The following NDST4 variants were observed in gnomAD, a reference collection of about 807,000 sequenced individuals.
NDST4 encodes N-deacetylase and N-sulfotransferase 4, also known as N-heparan sulfate sulfotransferase 4.
A neutral mutation model predicts 100.8 loss-of-function variants in NDST4; 63 were observed. The observed-to-expected ratio is 0.62, with a 90% CI of 0.51 to 0.77. The LOEUF is 0.77. Among genes scored for constraint, NDST4 ranks in the 30% least tolerant of loss-of-function variants. The pLI, the probability that NDST4 is intolerant of heterozygous loss-of-function variation, is 0.00. For missense variants in NDST4, 943 were observed against 1,018.4 expected (o/e 0.93, Z 1.01); for synonymous variants, 377 against 361.8 (o/e 1.04, Z -0.48).
At chr4:114,847,350 T>G (rs1723571978) in intron 9 of NDST4, among the ~76,000 whole-genome samples, 2 of 94,956 alleles carry the variant, frequency 2.1e-5, no homozygotes, top group African/African-American at 1.3e-4. Flanking sequence ...CACTCCAGCC[T>G]GGGCGACAGA....
intron 2 of NDST4, among the ~76,000 whole-genome samples, chr4:115,059,991 T>G (rs556512373): frequency 6.6e-6 from 1 of 152,008 alleles, no homozygotes; most frequent in Middle Eastern, 3.2e-3. Context: ...AATGTTGGTT[T>G]TCTTCTGTTT....
intron 6 of NDST4, among the ~76,000 whole-genome samples, chr4:114,929,113 C>CATCCATCTATCTATCTATCT (rs1578395038): frequency 5.1e-5 from 6 of 117,388 alleles, no homozygotes; most frequent in Admixed American, 8.7e-5. Flanking sequence ...TCCATCCATC[C>CATCCATCTATCTATCTATCT]ATCTATCTAT....
chr4:114,904,621 A>AT (rs1469651501), intron 6 of NDST4, among the ~76,000 whole-genome samples: 3 of 151,892 alleles, frequency 2.0e-5, no homozygotes, highest in Non-Finnish European at 2.9e-5. Context: ...AAATAGCTGA[A>AT]TGTTATATGG....
At position 114,954,544 on chromosome 4, in the gene NDST4, C is replaced by G. The variant is rs1726093060; in HGVS notation, c.1221+15886G>C. 2.0e-5 allele frequency among the ~76,000 whole-genome samples: 3 copies of G among 152,108 alleles called. No homozygotes were observed. In the South Asian group the frequency reaches 6.2e-4, roughly 31 times the overall value. On this transcript the variant is annotated intron_variant, in intron 4 of 13. Coordinates refer to ENST00000264363, the MANE Select transcript of NDST4 (RefSeq NM_022569.3). The stretch of plus-strand genomic sequence containing the variant: ...GAAGATAAGACTAGAAGATAAGTAA[C>G]TTACTTATTTTGTGAAAAACAGATA...
At chr4:114,986,455 T>C (rs1293147780) in intron 2 of NDST4, among the ~76,000 whole-genome samples, 1 of 152,090 alleles carries the variant, frequency 6.6e-6, no homozygotes, top group Non-Finnish European at 1.5e-5. Context: ...TAAGACGAGC[T>C]TCTGCTTCTG....
chr4:115,012,001 T>G (rs890250147), intron 2 of NDST4, among the ~76,000 whole-genome samples: 4 of 151,884 alleles, frequency 2.6e-5, no homozygotes, highest in Admixed American at 6.6e-5. Context: ...TGTATGTGTG[T>G]GTGTACGTGT....
At chr4:114,983,542 A>C (rs1332553420) in intron 2 of NDST4, among the ~76,000 whole-genome samples, 2 of 152,206 alleles carry the variant, frequency 1.3e-5, no homozygotes, top group Non-Finnish European at 2.9e-5. Context: ...GCATTTACCA[A>C]ATGCCTTTAC....
At chr4:115,074,163 G>A (rs1306086133) in intron 2 of NDST4, among the ~76,000 whole-genome samples, 1 of 151,818 alleles carries the variant, frequency 6.6e-6, no homozygotes, top group East Asian at 1.9e-4. Flanking sequence ...CATTGCTCAA[G>A]CCTTTGTTAA....
At position 114,935,691 on chromosome 4, in the gene NDST4, C is replaced by T. The variant is rs75445587; in HGVS notation, c.1408-357G>A. Among the ~76,000 whole-genome samples, 1,262 of 152,286 alleles carry T rather than the reference C, an allele frequency of 8.3e-3. 14 individuals carry two copies. The highest frequency in any genetic ancestry group is 0.024 in the African/African-American group (1,013 of 41,560). ...CGTCTTTCATGCCATTAGGCCATTA[C>T]TCTCTTCACTTCTGAAATCGAGTCC... On this transcript the variant is annotated intron_variant, in intron 5 of 13. Transcript: ENST00000264363.
chr4:114,896,478 G>T (rs1236102287), intron 6 of NDST4, among the ~76,000 whole-genome samples: 1 of 151,950 alleles, frequency 6.6e-6, no homozygotes, highest in Non-Finnish European at 1.5e-5. Context: ...CAAAAAATTA[G>T]CCGGGTGTGG....
At chr4:115,036,155 C>A (rs1728229068) in intron 2 of NDST4, among the ~76,000 whole-genome samples, 1 of 151,696 alleles carries the variant, frequency 6.6e-6, no homozygotes, top group South Asian at 2.1e-4. Flanking sequence ...AAAAGCCTAA[C>A]TTCTCAAAAG....
chr4:114,933,432 C>CTTTTTTT (rs367931653), intron 6 of NDST4, among the ~76,000 whole-genome samples: 171 of 89,192 alleles, frequency 1.9e-3, no homozygotes, highest in African/African-American at 3.9e-3. Flanking sequence ...TTTTCTTTTC[C>CTTTTTTT]TTTTTTTTTT....
chr4:114,878,048 G>T (rs1330661411), intron 6 of NDST4, among the ~76,000 whole-genome samples: 1 of 151,840 alleles, frequency 6.6e-6, no homozygotes, highest in Non-Finnish European at 1.5e-5. Context: ...AAAGGAAAAA[G>T]GAAAGGAGAA....
chr4:114,865,581 C>T (rs995766164), intron 7 of NDST4, among the ~76,000 whole-genome samples: 1 of 152,132 alleles, frequency 6.6e-6, no homozygotes, highest in East Asian at 1.9e-4. Context: ...ACAAAAAATT[C>T]AGTTTCCTTT....
intron 2 of NDST4, among the ~76,000 whole-genome samples, chr4:115,046,563 C>T (rs1424188300): frequency 6.6e-6 from 1 of 151,978 alleles, no homozygotes; most frequent in African/African-American, 2.4e-5. Context: ...GGGTAGCCTC[C>T]TTTAATCATT....
chr4:114,853,456 T>C (rs1027409057), intron 7 of NDST4, among the ~76,000 whole-genome samples: 1 of 152,312 alleles, frequency 6.6e-6, no homozygotes, highest in South Asian at 2.1e-4. Flanking sequence ...TCCAATATTA[T>C]GCCCATCTAA....
chr4:115,105,196 G>C (rs564518327), intron 1 of NDST4, among the ~76,000 whole-genome samples: 4 of 152,006 alleles, frequency 2.6e-5, no homozygotes, highest in African/African-American at 4.8e-5. Context: ...CTACAAAAAG[G>C]CATCATAATT....
At chr4:114,843,490 C>CA (rs1273952362) in intron 10 of NDST4, among the ~76,000 whole-genome samples, 2 of 152,194 alleles carry the variant, frequency 1.3e-5, no homozygotes, top group Admixed American at 6.5e-5. Flanking sequence ...TTTACCCCTT[C>CA]AAAATCACAC....
chr4:114,921,882 C>A (rs766789901), intron 6 of NDST4, among the ~76,000 whole-genome samples: 2 of 152,010 alleles, frequency 1.3e-5, no homozygotes, highest in African/African-American at 2.4e-5. Context: ...CCCCTGCTGT[C>A]CCTTTTTATC....
Sources: allele counts gnomAD v4.1 joint callset (sites outside exome capture counted in the v4.1 genomes callset), GRCh38; gene constraint gnomAD v4.1.1; transcripts MANE v1.5; gene names NCBI Gene and HGNC (gene_info 2026-07-23, HGNC 2026-07-21).